The following NDUFAF6 variants were observed in gnomAD, a reference collection of about 807,000 sequenced individuals.
The protein encoded by NDUFAF6 is NADH:ubiquinone oxidoreductase complex assembly factor 6, also known as NADH dehydrogenase (ubiquinone) complex I, assembly factor 6.
NDUFAF6 carries 45 observed loss-of-function variants against 40.8 expected under a neutral mutation model. The ratio of observed to expected loss-of-function variants is 1.10; its 90% CI spans 0.87 to 1.42. NDUFAF6 has a LOEUF of 1.42. Ranked by LOEUF, NDUFAF6 falls within the 40% of genes most tolerant of loss-of-function variation. The probability of loss-of-function intolerance (pLI) is 0.00; values close to 1 mark genes in which losing one functional copy is unlikely to be tolerated. For synonymous variants in NDUFAF6, 185 were observed against 155.9 expected (o/e 1.19, Z -1.39); for missense variants, 435 against 418.5 (o/e 1.04, Z -0.34).
At chr8:94,966,113 G>C (rs889585888) in intron 1 of NDUFAF6, among the ~76,000 whole-genome samples, 3 of 152,108 alleles carry the variant, frequency 2.0e-5, no homozygotes, top group African/African-American at 7.2e-5. Context: ...TCTGGAGCTT[G>C]GGAGATACTC....
intron 1 of NDUFAF6, chr8:94,932,142 A>G (rs1586695638): frequency 6.3e-7 from 1 of 1,591,288 alleles, no homozygotes; most frequent in Non-Finnish European, 8.6e-7. Flanking sequence ...TTAAATCACT[A>G]GTAAGATTTA....
chr8:94,933,834 T>TGGGGGGGG (rs572867137), intron 1 of NDUFAF6, among the ~76,000 whole-genome samples: 1 of 59,022 alleles, frequency 1.7e-5, no homozygotes, highest in African/African-American at 6.2e-5. Flanking sequence ...CAGCACTTTG[T>TGGGGGGGG]GGGGGGGGGG....
chr8:94,896,733 C>G (rs568098037), intron 1 of NDUFAF6: 1 of 152,170 alleles, frequency 6.6e-6, no homozygotes, highest in Non-Finnish European at 1.5e-5. Flanking sequence ...CCCCCGCTCC[C>G]GCCCGGCCTT....
At chr8:94,952,791 T>C (rs1312755705) in intron 2 of NDUFAF6, among the ~76,000 whole-genome samples, 1 of 152,184 alleles carries the variant, frequency 6.6e-6, no homozygotes, top group Non-Finnish European at 1.5e-5. Flanking sequence ...TAACCCTATT[T>C]CCACGTGGTG....
chr8:95,060,288 G>T (rs982743315), downstream of NDUFAF6, among the ~76,000 whole-genome samples: 6 of 152,030 alleles, frequency 3.9e-5, no homozygotes, highest in Non-Finnish European at 8.8e-5. Flanking sequence ...AAATCTCTGG[G>T]TTTTTATTAG....
At chr8:95,026,687 A>G (rs1828182761) in intron 1 of NDUFAF6, among the ~76,000 whole-genome samples, 1 of 152,220 alleles carries the variant, frequency 6.6e-6, no homozygotes. Context: ...CGCTAGTGTC[A>G]TAACTTTGCA....
At position 95,111,254 on chromosome 8, in the gene NDUFAF6, A is replaced by G. The variant is rs565495395; in HGVS notation, n.345-4282A>G. On this transcript the variant is annotated intron_variant and non_coding_transcript_variant, in intron 4 of 5. Transcript: ENST00000523184. ...AAGCCAAAAGGAGTCATTGGAAGGC[A>G]TTCCAGGCAATTCTGAGCAACTCTA... is the stretch of plus-strand genomic sequence containing the variant. 4.6e-5 allele frequency among the ~76,000 whole-genome samples: 7 copies of G among 152,364 alleles called. No homozygotes were observed. The South Asian group carries it at 1.4e-3, about 32-fold the overall frequency.
intron 2 of NDUFAF6, among the ~76,000 whole-genome samples, chr8:95,081,849 C>G (rs1264171831): frequency 6.6e-6 from 1 of 151,996 alleles, no homozygotes; most frequent in Non-Finnish European, 1.5e-5. Context: ...ATCATGAGGT[C>G]AGGAGATCAA....
intron 3 of NDUFAF6, chr8:95,040,590 A>AT: frequency 6.6e-6 from 1 of 152,362 alleles, no homozygotes; most frequent in South Asian, 2.1e-4. Context: ...GTATTCTGCT[A>AT]TAAGAATGAG....
downstream of NDUFAF6, among the ~76,000 whole-genome samples, chr8:95,059,026 C>A (rs1361054743): frequency 1.3e-5 from 2 of 151,974 alleles, no homozygotes; most frequent in African/African-American, 4.8e-5. Flanking sequence ...CAGAGCAAGA[C>A]CCTGTCTCAA....
At chr8:95,084,371 A>G (rs1808971882) in intron 2 of NDUFAF6, among the ~76,000 whole-genome samples, 1 of 152,194 alleles carries the variant, frequency 6.6e-6, no homozygotes, top group Non-Finnish European at 1.5e-5. Flanking sequence ...CTTTTAAAAA[A>G]TAAATAATTT....
chr8:95,087,416 T>C (rs1473405091), intron 2 of NDUFAF6, among the ~76,000 whole-genome samples: 2 of 152,326 alleles, frequency 1.3e-5, no homozygotes, highest in African/African-American at 4.8e-5. Context: ...GATTATTTCC[T>C]CCAAAGTTTC....
chr8:95,028,472 G>A (rs1046350092), intron 1 of NDUFAF6, among the ~76,000 whole-genome samples: 6 of 152,118 alleles, frequency 3.9e-5, no homozygotes, highest in Non-Finnish European at 7.4e-5. Context: ...TGTTTAATGT[G>A]GTGAAGGGGG....
Position 95,088,689 on chromosome 8 carries a change from TTG to T in NDUFAF6, n.214-12405_214-12404del, listed in dbSNP as rs545260109. 7.6e-3 allele frequency among the ~76,000 whole-genome samples: 1,080 copies of T among 142,332 alleles called. 12 individuals are homozygous for T. The highest frequency in any genetic ancestry group is 0.02 in the African/African-American group (737 of 36,894). 93.4% of individuals were successfully genotyped at this position (142,332 alleles called of 152,430 possible). A position where few individuals can be genotyped will look rare whatever the true frequency, so the allele number is the denominator to read the frequency against. Reference sequence around the variant, plus strand: ...TCAGCCAAGTCACTTTTTTGGGGTTTTGTGTGTGTGTGTGTGTGTGTGTGTGT... The same window carrying T: ...TCAGCCAAGTCACTTTTTTGGGGTTTTGTGTGTGTGTGTGTGTGTGTGTGT... On this transcript the variant is annotated intron_variant and non_coding_transcript_variant, in intron 2 of 5. Coordinates refer to the NDUFAF6 transcript ENST00000523184.
intron 1 of NDUFAF6, chr8:94,932,052 C>G: frequency 6.2e-7 from 1 of 1,606,660 alleles, no homozygotes; most frequent in East Asian, 2.2e-5. Flanking sequence ...CACACAGTCT[C>G]AAAGTGAATA....
In NDUFAF6 at chr8:95,048,585, A is replaced by C. The variant is rs751397065; in HGVS notation, c.816+27A>C. 5.5e-4 allele frequency: 808 copies of C among 1,462,564 alleles called. 4 individuals are homozygous for C. The highest frequency in any genetic ancestry group is 6.3e-5 in the Non-Finnish European group (66 of 1,042,024). 90.6% of individuals were successfully genotyped at this position (1,462,564 alleles called of 1,614,324 possible). The stretch of plus-strand genomic sequence containing the variant: ...TAAGTCGGCTTTTTTTTGCCAAATC[A>C]TTTAGGGAATAATCATTTCTAGATG... On this transcript the variant is annotated intron_variant, in intron 7 of 8. Transcript: ENST00000396124.
chr8:94,905,208 T>C lies in NDUFAF6; in HGVS notation c.-936+9281T>C, dbSNP rs140723445. Among the ~76,000 whole-genome samples, 634 of 151,552 alleles carry C rather than the reference T, an allele frequency of 4.2e-3. 2 individuals are homozygous for C. The highest frequency in any genetic ancestry group is 0.014 in the African/African-American group (582 of 41,324). On this transcript the variant is annotated intron_variant, in intron 1 of 14. Transcript: ENST00000396113. ...GAGACTATGTCTCAAGAAAAAAAAA[T>C]TTTTTTCTTCTTCTTTGTGGCAGGA...
rs559834106 is a variant in NDUFAF6 at position 95,094,016 on chromosome 8, G to T, written n.214-7116G>T. On this transcript the variant is annotated intron_variant and non_coding_transcript_variant, in intron 2 of 5. Coordinates refer to the NDUFAF6 transcript ENST00000523184. The stretch of plus-strand genomic sequence containing the variant: ...GACAGCGTCTCACTCTGTTGCCCAG[G>T]CTAGAGTGCAGTGGCGTGATCTCGG... 6.6e-5 allele frequency among the ~76,000 whole-genome samples: 10 copies of T among 152,224 alleles called. No individual in the cohort carries two copies. In the East Asian group the frequency reaches 1.9e-3, roughly 29 times the overall value.
chr8:94,934,071 C>CT (rs1222839095), intron 1 of NDUFAF6, among the ~76,000 whole-genome samples: 28 of 148,512 alleles, frequency 1.9e-4, no homozygotes, highest in Admixed American at 1.6e-3. Flanking sequence ...GAGTGAAACT[C>CT]TGTCTCAAAA....
Sources: gnomAD v4.1 joint callset for allele counts (sites outside exome capture counted in the v4.1 genomes callset) on GRCh38, gnomAD v4.1.1 for gene constraint, MANE v1.5 for transcripts, NCBI Gene and HGNC (gene_info 2026-07-23, HGNC 2026-07-21) for gene names.